Variants in CDC42BPB observed in about 807,000 individuals in gnomAD.
The protein encoded by CDC42BPB is serine/threonine-protein kinase MRCK beta.
In CDC42BPB, 37 loss-of-function variants were observed where a neutral mutation model predicts 214.9. That is an observed-to-expected ratio of 0.17 (90% CI 0.13 to 0.23). The LOEUF (loss-of-function observed/expected upper bound fraction) is 0.23. CDC42BPB is among the 10% of genes least tolerant of loss of function. The probability of loss-of-function intolerance (pLI) is 1.00; values close to 1 mark genes in which losing one functional copy is unlikely to be tolerated. For synonymous variants in CDC42BPB, 931 were observed against 884.0 expected, an observed-to-expected ratio of 1.05 and a Z score of -0.94; for missense variants, 1,694 against 2,227.0, an observed-to-expected ratio of 0.76 and a Z score of 4.82.
intron 1 of CDC42BPB, among the ~76,000 whole-genome samples, chr14:103,023,321 C>A (rs1886874915): frequency 6.6e-6 from 1 of 152,170 alleles, no homozygotes; most frequent in African/African-American, 2.4e-5. Flanking sequence ...GTGCCTGCCA[C>A]CATGCCTGGC....
rs1889051719 is a variant in CDC42BPB, at chr14:103,057,441, C to G, written c.-268G>C. ...GCCCTCCCAGCTCGGGCGGCCCGCC[C>G]CCGCCGCCCTCAGCCCCGCCCGCGG... On this transcript the variant is annotated 5_prime_UTR_variant, in exon 1 of 37. Coordinates refer to ENST00000361246, the MANE Select transcript of CDC42BPB (RefSeq NM_006035.4). 2.0e-6 allele frequency: 1 copy of G among 496,164 alleles called. No individual in the cohort carries two copies. Among genetic ancestry groups the G allele is most frequent in the African/African-American group, 2.1e-5 (1 of 47,192 alleles). 30.7% of individuals were successfully genotyped at this position (496,164 alleles called of 1,614,324 possible). A position where few individuals can be genotyped will look rare whatever the true frequency, so the allele number is the denominator to read the frequency against.
At chr14:103,055,333 G>T (rs138160503) in intron 1 of CDC42BPB, among the ~76,000 whole-genome samples, 379 of 152,332 alleles carry the variant, frequency 2.5e-3, no homozygotes, top group Middle Eastern at 6.8e-3. Context: ...TGAGGCAGGA[G>T]AATTACTTGA....
At chr14:102,946,828 G>A (rs1026995003) in intron 27 of CDC42BPB, 144 bp from the exon 28 acceptor site, 21 of 1,449,202 alleles carry the variant, frequency 1.4e-5, no homozygotes, top group East Asian at 7.4e-5. Flanking sequence ...ACTCCACCTC[G>A]CTGGGCGCCT....
chr14:102,942,851 T>C (rs973626234), intron 30 of CDC42BPB, among the ~76,000 whole-genome samples: 11 of 150,450 alleles, frequency 7.3e-5, no homozygotes, highest in Admixed American at 5.3e-4. Flanking sequence ...ACTACAGGCA[T>C]GTGGCACCGT....
At chr14:103,055,192 G>A (rs1388328109) in intron 1 of CDC42BPB, among the ~76,000 whole-genome samples, 1 of 152,240 alleles carries the variant, frequency 6.6e-6, no homozygotes, top group East Asian at 1.9e-4. Flanking sequence ...GGAGGCCGAG[G>A]CAGGTGGATC....
chr14:102,963,237 G>A, intron 19 of CDC42BPB, 82 bp from the exon 20 acceptor site: 8 of 1,511,028 alleles, frequency 5.3e-6, no homozygotes, highest in African/African-American at 4.2e-5. Flanking sequence ...GGATGAGAGA[G>A]CCGGGATTTC....
intron 5 of CDC42BPB, among the ~76,000 whole-genome samples, chr14:102,992,765 A>AAAAAATATATATTAAAAATATATATATTC (rs1245085617): frequency 1.1e-3 from 169 of 148,842 alleles, no homozygotes; most frequent in African/African-American, 3.8e-3. Flanking sequence ...ATATATATTC[A>AAAAAATATATATTAAAAATATATATATTC]AAAAATATAT....
intron 5 of CDC42BPB, among the ~76,000 whole-genome samples, chr14:102,998,680 G>T (rs374761267): frequency 1.3e-5 from 2 of 152,260 alleles, no homozygotes; most frequent in East Asian, 1.9e-4. Flanking sequence ...TGCCCCACAC[G>T]CTCTCTCAGC....
Position 102,933,814 on chromosome 14 carries a change from A to G in CDC42BPB, c.5034T>C (p.Thr1678=). ...EPDSDSTKHS[T]PSNSSNPSGP... is the part of the protein sequence containing the mutation. ...CGCTGGGGTTGGAGCTATTCGATGGAGTTGAGTGTTTGGTGGAGTCCGAAT... is the reference window on the plus strand; with the variant it reads ...CGCTGGGGTTGGAGCTATTCGATGGGGTTGAGTGTTTGGTGGAGTCCGAAT... Residue 1678 remains threonine (T), a synonymous_variant, in exon 37 of 37, where the codon ACT becomes ACC. Coordinates refer to ENST00000361246, the MANE Select transcript of CDC42BPB (RefSeq NM_006035.4). The G allele has an allele frequency of 2.0e-6, 3 of 1,518,838 alleles. No individual in the cohort carries two copies. Among genetic ancestry groups the G allele is most frequent in the Non-Finnish European group, 2.6e-6 (3 of 1,141,958 alleles). 94.1% of individuals were successfully genotyped at this position (1,518,838 alleles called of 1,614,324 possible).
intron 1 of CDC42BPB, among the ~76,000 whole-genome samples, chr14:103,056,578 C>T (rs1431523016): frequency 8.5e-6 from 1 of 117,974 alleles, no homozygotes; most frequent in Admixed American, 9.0e-5. Context: ...GGGGCGGGGG[C>T]GGGGGCGGGG....
rs769227196 is a variant in CDC42BPB at position 102,950,437 on chromosome 14, G to T, written c.3309+29C>A. ...GGTCACTGCACCTCACAGGCACCGA[G>T]GGCTGAGGGCGGAGATGAAGCCGCC... is the stretch of plus-strand genomic sequence containing the variant. On this transcript the variant is annotated intron_variant, in intron 25 of 36. Coordinates refer to ENST00000361246, the MANE Select transcript of CDC42BPB (RefSeq NM_006035.4). 3.1e-6 allele frequency: 5 copies of T among 1,611,312 alleles called. No homozygotes were observed. In the Admixed American group the frequency reaches 8.3e-5, roughly 27 times the overall value.
At chr14:102,946,338 C>T in intron 28 of CDC42BPB, 130 bp downstream of exon 28, 1 of 1,011,538 alleles carries the variant, frequency 9.9e-7, no homozygotes, top group Non-Finnish European at 1.4e-6. Flanking sequence ...TGCTTCTTAA[C>T]ATGCATGGAG....
chr14:102,951,043 G>T (rs2139394846), intron 24 of CDC42BPB, among the ~76,000 whole-genome samples: 1 of 152,306 alleles, frequency 6.6e-6, no homozygotes, highest in East Asian at 1.9e-4. Context: ...AAAAAGGTAA[G>T]AACAGTTGCA....
intron 17 of CDC42BPB, 166 bp from the exon 18 acceptor site, chr14:102,966,553 C>G: frequency 1.0e-6 from 1 of 982,208 alleles, no homozygotes; most frequent in Non-Finnish European, 1.2e-6. Flanking sequence ...TTGATGGATG[C>G]GTCGTTACAT....
rs1054352318 is a variant in CDC42BPB at position 102,975,611 on chromosome 14, G to C, written c.1507+73C>G. ...TTCTGCTTTCCCACTTTATGAAAAG[G>C]ACTCTGAAATTCCCTTTTAAGACAG... On this transcript the variant is annotated intron_variant, in intron 11 of 36. Coordinates refer to ENST00000361246, the MANE Select transcript of CDC42BPB (RefSeq NM_006035.4). The C allele has an allele frequency of 2.9e-5, 41 of 1,424,584 alleles. No homozygotes were observed. The African/African-American group carries it at 3.3e-4, about 11-fold the overall frequency. The allele number at this position is 1,424,584 out of a possible 1,614,324, so 88.2% of individuals were successfully genotyped here.
chr14:103,051,705 T>C (rs1270925069), intron 1 of CDC42BPB, among the ~76,000 whole-genome samples: 1 of 152,252 alleles, frequency 6.6e-6, no homozygotes, highest in Non-Finnish European at 1.5e-5. Context: ...ACTGCACATT[T>C]TAAACTTTTT....
chr14:102,946,769 C>T, intron 27 of CDC42BPB, 85 bp from the exon 28 acceptor site: 1 of 1,542,728 alleles, frequency 6.5e-7, no homozygotes, highest in Admixed American at 1.9e-5. Flanking sequence ...TGGAGCCACG[C>T]ACCCCAGGAG....
At chr14:102,953,735 G>A (rs752917272) in intron 23 of CDC42BPB, among the ~76,000 whole-genome samples, 2 of 152,224 alleles carry the variant, frequency 1.3e-5, no homozygotes, top group Non-Finnish European at 2.9e-5. Context: ...TGGCTCTCCA[G>A]GATGCACTTG....
chr14:103,000,170 T>A (rs1216404561), intron 4 of CDC42BPB, among the ~76,000 whole-genome samples: 2 of 152,234 alleles, frequency 1.3e-5, no homozygotes, highest in East Asian at 3.9e-4. Context: ...AAAGATTATA[T>A]CATAAAAGAG....
Sources: gnomAD v4.1 joint callset for allele counts (sites outside exome capture counted in the v4.1 genomes callset) on GRCh38, gnomAD v4.1.1 for gene constraint, MANE v1.5 for transcripts, NCBI Gene and HGNC (gene_info 2026-07-23, HGNC 2026-07-21) for gene names.